B3GALT1: variants seen among roughly 807,000 people sequenced by gnomAD.
B3GALT1 encodes UDP-Gal:betaGlcNAc beta 1,3-galactosyltransferase, polypeptide 1.
A neutral mutation model predicts 23.2 loss-of-function variants in B3GALT1; 10 were observed. The observed-to-expected ratio is 0.43, with a 90% CI of 0.27 to 0.73. The LOEUF (loss-of-function observed/expected upper bound fraction) is 0.73, where lower values mean the gene tolerates loss of function less well. Among genes scored for constraint, B3GALT1 ranks in the 30% least tolerant of loss-of-function variants. The probability of loss-of-function intolerance (pLI) is 0.21; values close to 1 mark genes in which losing one functional copy is unlikely to be tolerated. For missense variants in B3GALT1, 299 were observed against 405.4 expected (o/e 0.74, Z 2.25); for synonymous variants, 156 against 141.5 (o/e 1.10, Z -0.73).
At chr2:167,695,484 ACTAAAAT>A (rs1472952029) in intron 3 of B3GALT1, among the ~76,000 whole-genome samples, 1 of 152,312 alleles carries the variant, frequency 6.6e-6, no homozygotes. Flanking sequence ...GCTCTTGTTT[ACTAAAAT>A]GTAAATCTGT....
At chr2:167,544,820 C>T (rs897903340) in intron 2 of B3GALT1, among the ~76,000 whole-genome samples, 22 of 152,188 alleles carry the variant, frequency 1.4e-4, no homozygotes, top group African/African-American at 5.3e-4. Context: ...GGTCTTTTCT[C>T]GATCGAAGGG....
At chr2:167,372,168 A>G (rs1379502037) in intron 1 of B3GALT1, among the ~76,000 whole-genome samples, 1 of 152,038 alleles carries the variant, frequency 6.6e-6, no homozygotes, top group South Asian at 2.1e-4. Context: ...TAGCCCAAAA[A>G]TGAAAAGCTA....
At chr2:167,332,265 C>T (rs1306787474) in intron 1 of B3GALT1, among the ~76,000 whole-genome samples, 2 of 152,058 alleles carry the variant, frequency 1.3e-5, no homozygotes, top group East Asian at 1.9e-4. Flanking sequence ...AGCTCCTGGC[C>T]GATTCTGAGG....
intron 3 of B3GALT1, among the ~76,000 whole-genome samples, chr2:167,701,412 G>A (rs1384803666): frequency 2.0e-5 from 3 of 152,090 alleles, no homozygotes; most frequent in African/African-American, 7.2e-5. Flanking sequence ...AGGCACTGAA[G>A]CTTAGAGCGG....
chr2:167,823,327 G>A (rs1689146735), intron 4 of B3GALT1, among the ~76,000 whole-genome samples: 1 of 152,084 alleles, frequency 6.6e-6, no homozygotes, highest in East Asian at 1.9e-4. Flanking sequence ...TTGAGTGTGT[G>A]TGCTTTTAGA....
At chr2:167,771,688 T>C (rs1477152135) in intron 3 of B3GALT1, among the ~76,000 whole-genome samples, 2 of 152,256 alleles carry the variant, frequency 1.3e-5, no homozygotes, top group Admixed American at 1.3e-4. Flanking sequence ...TATTGTTTCA[T>C]GTATACATGC....
intron 2 of B3GALT1, among the ~76,000 whole-genome samples, chr2:167,630,028 T>A (rs1685413429): frequency 1.3e-5 from 2 of 151,850 alleles, no homozygotes; most frequent in South Asian, 4.1e-4. Context: ...GTGACATACA[T>A]AGAAAGAACA....
chr2:167,844,460 C>T (rs1689713912), intron 4 of B3GALT1, among the ~76,000 whole-genome samples: 1 of 152,226 alleles, frequency 6.6e-6, no homozygotes, highest in Non-Finnish European at 1.5e-5. Context: ...AGACCCTCCT[C>T]TCCCAAACAC....
intron 3 of B3GALT1, among the ~76,000 whole-genome samples, chr2:167,671,209 G>C (rs1184976594): frequency 6.6e-6 from 1 of 152,024 alleles, no homozygotes; most frequent in Non-Finnish European, 1.5e-5. Context: ...CAATACAATA[G>C]TATTAGGGGA....
chr2:167,512,223 T>C (rs1433658519), intron 2 of B3GALT1, among the ~76,000 whole-genome samples: 2 of 151,954 alleles, frequency 1.3e-5, no homozygotes, highest in African/African-American at 2.4e-5. Flanking sequence ...TTAAAAATGA[T>C]GCTTGCTAAA....
At chr2:167,757,275 A>G (rs954535396) in intron 3 of B3GALT1, among the ~76,000 whole-genome samples, 20 of 152,064 alleles carry the variant, frequency 1.3e-4, no homozygotes, top group Non-Finnish European at 2.4e-4. Context: ...CAGCCCACCC[A>G]TCCAGACATA....
chr2:167,693,238 T>C (rs1686741886), intron 3 of B3GALT1, among the ~76,000 whole-genome samples: 1 of 151,874 alleles, frequency 6.6e-6, no homozygotes, highest in Non-Finnish European at 1.5e-5. Flanking sequence ...CACTTGAAAT[T>C]GAATACCAAC....
rs542962637 is a variant in B3GALT1, at chr2:167,745,563, T to C, written c.-351-73109T>C. Among the ~76,000 whole-genome samples, 17 of 152,332 alleles carry C rather than the reference T, an allele frequency of 1.1e-4. 1 individual carries two copies. Among genetic ancestry groups the C allele is most frequent in the African/African-American group, 4.1e-4 (17 of 41,588 alleles). On this transcript the variant is annotated intron_variant, in intron 3 of 4. Coordinates refer to ENST00000392690, the MANE Select transcript of B3GALT1 (RefSeq NM_020981.4). The stretch of plus-strand genomic sequence containing the variant: ...CCTCATTCTTAAAAGATGGCTTTGA[T>C]ATTTATGTTTAAAACTATTTTTTTC...
At chr2:167,583,638 T>G (rs1684528161) in intron 2 of B3GALT1, among the ~76,000 whole-genome samples, 1 of 152,152 alleles carries the variant, frequency 6.6e-6, no homozygotes, top group Admixed American at 6.5e-5. Flanking sequence ...TCTTAAAACT[T>G]GATGTCAGCA....
At chr2:167,716,408 T>C (rs914829911) in intron 3 of B3GALT1, among the ~76,000 whole-genome samples, 5 of 152,280 alleles carry the variant, frequency 3.3e-5, no homozygotes, top group Non-Finnish European at 2.9e-5. Context: ...GTCTTCTTCA[T>C]GGATTAAACC....
chr2:167,553,584 T>C (rs1177954037), intron 2 of B3GALT1, among the ~76,000 whole-genome samples: 3 of 152,150 alleles, frequency 2.0e-5, no homozygotes, highest in Non-Finnish European at 2.9e-5. Context: ...CTAGGTATTA[T>C]ACAATCCAAG....
At chr2:167,452,297 C>T (rs972109025) in intron 1 of B3GALT1, among the ~76,000 whole-genome samples, 2 of 152,212 alleles carry the variant, frequency 1.3e-5, no homozygotes, top group African/African-American at 4.8e-5. Context: ...GTTCCTCTGG[C>T]AGCCCTCCCC....
chr2:167,681,533 C>T (rs551627210), intron 3 of B3GALT1, among the ~76,000 whole-genome samples: 1 of 152,162 alleles, frequency 6.6e-6, no homozygotes, highest in Admixed American at 6.5e-5. Context: ...CTGACTGAAG[C>T]ACCTTTCGTT....
chr2:167,525,696 C>T (rs981415378), intron 2 of B3GALT1, among the ~76,000 whole-genome samples: 26 of 151,538 alleles, frequency 1.7e-4, no homozygotes, highest in Admixed American at 1.4e-3. Flanking sequence ...TTCAGTGACA[C>T]GTCACAGCTC....
Sources: gnomAD v4.1 joint callset for allele counts (sites outside exome capture counted in the v4.1 genomes callset) on GRCh38, gnomAD v4.1.1 for gene constraint, MANE v1.5 for transcripts, NCBI Gene and HGNC (gene_info 2026-07-23, HGNC 2026-07-21) for gene names.